Variants in MYO7B observed in about 807,000 individuals in gnomAD.
The protein encoded by MYO7B is myosin VIIB, also known as unconventional myosin-VIIb.
MYO7B carries 212 observed loss-of-function variants against 259.7 expected under a neutral mutation model. The ratio of observed to expected loss-of-function variants is 0.82; its 90% CI spans 0.73 to 0.91. The LOEUF (loss-of-function observed/expected upper bound fraction) is 0.91, where lower values mean the gene tolerates loss of function less well. Ranked by LOEUF, MYO7B falls within the 40% of genes least tolerant of loss-of-function variation. The pLI is 0.00. For synonymous variants in MYO7B, 1,197 were observed against 1,166.4 expected (o/e 1.03, Z -0.54); for missense variants, 2,732 against 2,813.5 (o/e 0.97, Z 0.66).
chr2:127,581,590 G>T (rs182930884), intron 10 of MYO7B, among the ~76,000 whole-genome samples: 4 of 152,254 alleles, frequency 2.6e-5, no homozygotes, highest in Admixed American at 1.3e-4. Flanking sequence ...ACTGATTTCA[G>T]TCAGGACATG....
intron 41 of MYO7B, 151 bp from the exon 42 acceptor site, chr2:127,634,445 C>A: frequency 1.1e-6 from 1 of 876,076 alleles, no homozygotes; most frequent in Non-Finnish European, 1.8e-6. Flanking sequence ...GGTCCTGGAG[C>A]AGAGCCAGCT....
chr2:127,566,345 C>G (rs1030426373), intron 4 of MYO7B, among the ~76,000 whole-genome samples: 2 of 152,236 alleles, frequency 1.3e-5, no homozygotes, highest in African/African-American at 4.8e-5. Flanking sequence ...ATACTTAGTC[C>G]ATTTTTATCG....
rs1335783447 is a variant in MYO7B at position 127,586,815 on chromosome 2, T to C, written c.1691-1577T>C. ...ACCTCAGCTTTACTTACTCTGCCTG[T>C]TGGGAGACTGAACCCAGGAGTGTCT... On this transcript the variant is annotated intron_variant, in intron 14 of 47. Transcript: ENST00000409816. The surrounding 1 kb of genome is among the most constrained non-coding windows in gnomAD (Gnocchi z 4.8). Among the ~76,000 whole-genome samples the C allele has an allele frequency of 2.0e-5, 3 of 152,170 alleles. 1 individual carries two copies. The highest frequency in any genetic ancestry group is 4.4e-5 in the Non-Finnish European group (3 of 68,030).
At position 127,620,397 on chromosome 2, in the gene MYO7B, C is replaced by T. The variant is rs1425424699; in HGVS notation, c.3456C>T (p.Ser1152=). The stretch of plus-strand genomic sequence containing the variant: ...TCTCGGAGAACTTCAAAACAAGCAG[C>T]CTGGCCCGGGGCTGGATCCTGCTCA... ...KQLSENFKTS[S]LARGWILLSL... is the part of the protein sequence containing the mutation. The change falls in exon 27 of 48, where the codon AGC becomes AGT. Residue 1152 remains serine (S), a synonymous_variant. Transcript: ENST00000409816. 1.9e-6 allele frequency: 3 copies of T among 1,612,376 alleles called. No homozygotes were observed. Among genetic ancestry groups the T allele is most frequent in the African/African-American group, 2.7e-5 (2 of 74,916 alleles).
intron 18 of MYO7B, among the ~76,000 whole-genome samples, chr2:127,594,234 T>C (rs1029620844): frequency 6.6e-6 from 1 of 152,242 alleles, no homozygotes; most frequent in Non-Finnish European, 1.5e-5. Context: ...GAAGTGCCAT[T>C]TGGGTCAGAG....
chr2:127,622,108 G>T lies in MYO7B; in HGVS notation c.3645+7G>T, dbSNP rs549504666. 6.5e-7 allele frequency: 1 copy of T among 1,548,208 alleles called. No homozygotes were observed. The highest frequency in any genetic ancestry group is 1.4e-5 in the African/African-American group (1 of 73,140). The stretch of plus-strand genomic sequence containing the variant: ...CACCTGGCTGGAGCTGCAGGTAGGG[G>T]CTGGCAGGGGTGAGAGCGGGCAGGG... On this transcript the variant is annotated splice_region_variant and intron_variant, in intron 28 of 47. Coordinates refer to ENST00000409816, the MANE Select transcript of MYO7B (RefSeq NM_001393586.1).
intron 19 of MYO7B, 103 bp from the exon 20 acceptor site, chr2:127,605,741 A>C (rs961121546): frequency 1.0e-6 from 1 of 968,186 alleles, no homozygotes; most frequent in African/African-American, 1.6e-5. Flanking sequence ...CATTTTTCCC[A>C]ATATTTCACT....
Position 127,622,079 on chromosome 2 carries a change from C to T in MYO7B, c.3623C>T (p.Pro1208Leu). The T allele has an allele frequency of 6.5e-7, 1 of 1,549,980 alleles. No homozygotes were observed. The highest frequency in any genetic ancestry group is 1.2e-5 in the South Asian group (1 of 83,990). Residue 1208 changes from proline (P) to leucine (L), a missense_variant, in exon 28 of 48, where the codon CCC (proline) becomes CTC (leucine). Transcript: ENST00000409816. ...TATGCCAATGGGGTGCGTGCGGAGC[C>T]CCCCACCTGGCTGGAGCTGCAGGTA... ...RTYANGVRAEPPTWLELQAVK... is the reference protein window; with the variant it reads ...RTYANGVRAELPTWLELQAVK...
rs1459762594 is a variant in MYO7B, at chr2:127,633,324, C to T, written c.5472C>T (p.Arg1824=). 9 of 1,612,814 alleles carry T rather than the reference C, an allele frequency of 5.6e-6. No homozygotes were observed. Among genetic ancestry groups the T allele is most frequent in the African/African-American group, 2.7e-5 (2 of 74,942 alleles). ...AGGCCGCAGAGCAGAACGTCTCCCG[C>T]ATCTGCCACAAGATCTACTTCCCCA... ...EVEAAEQNVS[R]ICHKIYFPND... Residue 1824 remains arginine, a synonymous_variant, in exon 40 of 48, where the codon CGC becomes CGT. Transcript: ENST00000409816.
In MYO7B at chr2:127,581,355, A is replaced by G. The variant is rs561281283; in HGVS notation, c.1080+533A>G. Among the ~76,000 whole-genome samples the G allele has an allele frequency of 6.8e-4, 104 of 152,364 alleles. 1 individual carries two copies. Among genetic ancestry groups the G allele is most frequent in the Non-Finnish European group, 1.2e-3 (81 of 68,032 alleles). On this transcript the variant is annotated intron_variant, in intron 10 of 47. Coordinates refer to ENST00000409816, the MANE Select transcript of MYO7B (RefSeq NM_001393586.1). ...GAGGGGCTACCTCTGCAATGGGGAC[A>G]TGGCAGCACCCCACGTCACCCCCAT... is the stretch of plus-strand genomic sequence containing the variant.
Position 127,582,447 on chromosome 2 carries a change from G to T in MYO7B, c.1343+1G>T. ...GCTTTGAAAATTTCGAGAACAATAG[G>T]TATGAAGATCTCAGATCCCAGCCCC... On this transcript the variant is annotated splice_donor_variant, in intron 12 of 47. Coordinates refer to ENST00000409816, the MANE Select transcript of MYO7B (RefSeq NM_001393586.1). LOFTEE classifies it high-confidence loss of function. 1 of 1,612,786 alleles carries T rather than the reference G, an allele frequency of 6.2e-7. No individual in the cohort carries two copies. The highest frequency in any genetic ancestry group is 8.5e-7 in the Non-Finnish European group (1 of 1,179,468).
Position 127,613,665 on chromosome 2 carries a change from C to G in MYO7B, c.3398+1062C>G, listed in dbSNP as rs1395712424. ...TAAGTCTAGTACTTTTGGGTTGTAT[C>G]CTGGACATTGAGGATGATACGTTAG... On this transcript the variant is annotated intron_variant, in intron 26 of 47. Transcript: ENST00000409816. The surrounding 1 kb of genome is among the most constrained non-coding windows in gnomAD (Gnocchi z 4.3). Among the ~76,000 whole-genome samples, 1 of 152,106 alleles carries G rather than the reference C, an allele frequency of 6.6e-6. No homozygotes were observed. The highest frequency in any genetic ancestry group is 1.5e-5 in the Non-Finnish European group (1 of 68,030).
At position 127,636,079 on chromosome 2, in the gene MYO7B, C is replaced by A; in HGVS notation, c.6007-129C>A. On this transcript the variant is annotated intron_variant, in intron 44 of 47. Transcript: ENST00000409816. This position sits in a 1 kb window ranked among gnomAD's most constrained non-coding sequence, Gnocchi z 4.5. ...TCCTATGCCATCCACAGCACCGAGACTGTCCCATGCTGCATTCCTCCCCTC... is the reference window on the plus strand; with the variant it reads ...TCCTATGCCATCCACAGCACCGAGAATGTCCCATGCTGCATTCCTCCCCTC... 9.5e-7 allele frequency: 1 copy of A among 1,051,978 alleles called. No homozygotes were observed. Among genetic ancestry groups the A allele is most frequent in the Non-Finnish European group, 1.4e-6 (1 of 719,932 alleles). The allele number at this position is 1,051,978 out of a possible 1,614,324, so 65.2% of individuals were successfully genotyped here. A position where few individuals can be genotyped will look rare whatever the true frequency, so the allele number is the denominator to read the frequency against.
chr2:127,567,916 A>T (rs1021542294), intron 5 of MYO7B, among the ~76,000 whole-genome samples: 1 of 152,158 alleles, frequency 6.6e-6, no homozygotes, highest in Non-Finnish European at 1.5e-5. Context: ...TTCATTAGAT[A>T]GGGGGCAGGC....
At chr2:127,578,502 AATC>A (rs1386006034) in intron 9 of MYO7B, among the ~76,000 whole-genome samples, 2 of 152,162 alleles carry the variant, frequency 1.3e-5, no homozygotes, top group Admixed American at 1.3e-4. Flanking sequence ...GAGACCGGCC[AATC>A]ATCCCCCACT....
intron 18 of MYO7B, among the ~76,000 whole-genome samples, chr2:127,595,157 G>T (rs116730709): frequency 0.017 from 2,580 of 152,234 alleles, 77 homozygotes; most frequent in African/African-American, 0.059. Context: ...ACTTGTTACT[G>T]ATCTATTCAG....
intron 39 of MYO7B, among the ~76,000 whole-genome samples, chr2:127,632,993 T>C (rs947029893): frequency 6.6e-6 from 1 of 152,196 alleles, no homozygotes; most frequent in African/African-American, 2.4e-5. Flanking sequence ...CAGCCTTTCC[T>C]GCCGGCGCCT....
chr2:127,556,319 T>C (rs1043323529), intron 1 of MYO7B, among the ~76,000 whole-genome samples: 1 of 152,224 alleles, frequency 6.6e-6, no homozygotes. Flanking sequence ...AGGCAGCAGA[T>C]GCTTGGTTGG....
At position 127,576,422 on chromosome 2, in the gene MYO7B, C is replaced by T. The variant is rs544410308; in HGVS notation, c.736-173C>T. Among the ~76,000 whole-genome samples the T allele has an allele frequency of 2.8e-4, 42 of 152,166 alleles. 1 individual carries two copies. The highest frequency in any genetic ancestry group is 9.4e-4 in the African/African-American group (39 of 41,530). ...CAGGGATGAGACAGCCGCGGAGGCC[C>T]GGGACAGGGACAGCAACCAAGCCAG... On this transcript the variant is annotated intron_variant, in intron 7 of 47. Transcript: ENST00000409816. This position sits in a 1 kb window ranked among gnomAD's most constrained non-coding sequence, Gnocchi z 4.9.
Sources: allele counts gnomAD v4.1 joint callset (sites outside exome capture counted in the v4.1 genomes callset), GRCh38; gene constraint gnomAD v4.1.1; non-coding constraint Gnocchi (gnomAD v3.1); transcripts MANE v1.5; gene names NCBI Gene and HGNC (gene_info 2026-07-23, HGNC 2026-07-21).